Variants in GIGYF2 observed in about 807,000 individuals in gnomAD.
GIGYF2 encodes the protein GRB10-interacting GYF protein 2.
GIGYF2 carries 25 observed loss-of-function variants against 208.1 expected under a neutral mutation model. The observed-to-expected ratio is 0.12, with a 90% CI of 0.09 to 0.17. The LOEUF is 0.17. Ranked by LOEUF, GIGYF2 falls within the 10% of genes least tolerant of loss-of-function variation. The probability of loss-of-function intolerance (pLI) is 1.00; values close to 1 mark genes in which losing one functional copy is unlikely to be tolerated. For missense variants in GIGYF2, 1,302 were observed against 1,579.4 expected (o/e 0.82, Z 2.98); for synonymous variants, 534 against 543.8 (o/e 0.98, Z 0.25).
At chr2:232,700,049 C>T (rs1423997032) in intron 1 of GIGYF2, among the ~76,000 whole-genome samples, 1 of 152,074 alleles carries the variant, frequency 6.6e-6, no homozygotes, top group African/African-American at 2.4e-5. Flanking sequence ...CATTTTAGTT[C>T]AGCTGAGGAA....
intron 6 of GIGYF2, among the ~76,000 whole-genome samples, chr2:232,759,088 A>G (rs999535631): frequency 1.0e-3 from 153 of 152,228 alleles, no homozygotes; most frequent in African/African-American, 3.6e-3. Context: ...AAGATTACCC[A>G]CAAAATAATT....
intron 12 of GIGYF2, among the ~76,000 whole-genome samples, chr2:232,791,938 A>G (rs572989847): frequency 6.6e-6 from 1 of 152,210 alleles, no homozygotes; most frequent in Non-Finnish European, 1.5e-5. Context: ...TAAGTTGCTC[A>G]TACACTTTAT....
intron 8 of GIGYF2, 121 bp downstream of exon 8, chr2:232,761,557 GTC>G (rs1172646884): frequency 9.0e-6 from 6 of 670,280 alleles, no homozygotes; most frequent in African/African-American, 1.8e-5. Flanking sequence ...GTTATTTGAA[GTC>G]TCTACTGCAT....
chr2:232,713,392 TTAA>T (rs1223688585), intron 2 of GIGYF2, among the ~76,000 whole-genome samples: 1 of 152,168 alleles, frequency 6.6e-6, no homozygotes, highest in East Asian at 1.9e-4. Context: ...CTTCTAAATT[TTAA>T]CTTTTTTTCT....
chr2:232,708,373 G>A (rs1328855456), intron 2 of GIGYF2, among the ~76,000 whole-genome samples: 1 of 152,080 alleles, frequency 6.6e-6, no homozygotes, highest in Non-Finnish European at 1.5e-5. Flanking sequence ...TGGGAGTTTG[G>A]GGACAGTGAA....
At chr2:232,848,289 C>T (rs1284237009) in intron 27 of GIGYF2, among the ~76,000 whole-genome samples, 1 of 152,174 alleles carries the variant, frequency 6.6e-6, no homozygotes, top group African/African-American at 2.4e-5. Context: ...AGGCACCTCA[C>T]AGCCTTCCTG....
Position 232,796,044 on chromosome 2 carries a change from T to TTTC in GIGYF2, c.1480-17_1480-16insTCT. On this transcript the variant is annotated splice_polypyrimidine_tract_variant and intron_variant, in intron 13 of 28. Coordinates refer to ENST00000373563, the MANE Select transcript of GIGYF2 (RefSeq NM_001103146.3). ...TTAGGATCATTTGTTTCCTTGATTT[T>TTTC]TGTTTTTCTGTTACTAGCAAGCTGA... 1 of 1,593,668 alleles carries TTTC rather than the reference T, an allele frequency of 6.3e-7. No individual in the cohort carries two copies. Among genetic ancestry groups the TTTC allele is most frequent in the Non-Finnish European group, 8.6e-7 (1 of 1,161,394 alleles).
intron 8 of GIGYF2, among the ~76,000 whole-genome samples, chr2:232,780,959 T>C (rs1297065197): frequency 1.3e-5 from 2 of 152,020 alleles, no homozygotes; most frequent in East Asian, 3.8e-4. Context: ...ATGTTTATTT[T>C]ATTATTATTA....
At chr2:232,811,135 C>A in intron 16 of GIGYF2, 109 bp from the exon 17 acceptor site, 1 of 691,520 alleles carries the variant, frequency 1.4e-6, no homozygotes, top group Admixed American at 2.1e-5. Flanking sequence ...ATAGCTATTT[C>A]TAATAATGTC....
intron 20 of GIGYF2, among the ~76,000 whole-genome samples, chr2:232,817,391 A>G (rs1700947682): frequency 1.3e-5 from 2 of 152,268 alleles, no homozygotes; most frequent in Admixed American, 1.3e-4. Context: ...TTGTGCTAAC[A>G]TATACATAAC....
chr2:232,730,047 T>C (rs1328406488), intron 2 of GIGYF2: 8 of 902,654 alleles, frequency 8.9e-6, no homozygotes, highest in African/African-American at 4.9e-5. Context: ...ACGAAGGGCA[T>C]AACACAAGTC....
chr2:232,856,738 T>A (rs1159557805), intron 28 of GIGYF2, 55 bp from the exon 29 acceptor site: 1 of 1,052,630 alleles, frequency 9.5e-7, no homozygotes, highest in Non-Finnish European at 1.5e-6. Context: ...CGCCTAGAAT[T>A]TGAGCCGCTT....
chr2:232,784,802 C>T (rs1365710150), intron 8 of GIGYF2, among the ~76,000 whole-genome samples: 1 of 152,178 alleles, frequency 6.6e-6, no homozygotes, highest in African/African-American at 2.4e-5. Flanking sequence ...TTTGTCCCCT[C>T]CAGATCACAT....
rs531843600 is a variant in GIGYF2, at chr2:232,786,734, C to G, written c.533-416C>G. Among the ~76,000 whole-genome samples the G allele has an allele frequency of 2.6e-3, 393 of 152,178 alleles. 2 individuals are homozygous for G. The highest frequency in any genetic ancestry group is 8.7e-3 in the African/African-American group (363 of 41,524). ...TTAGTGAAAACAGCAAACAAAACAACATTTATAACATCCTGAGGGTGGCGT... is the reference window on the plus strand; with the variant it reads ...TTAGTGAAAACAGCAAACAAAACAAGATTTATAACATCCTGAGGGTGGCGT... On this transcript the variant is annotated intron_variant, in intron 8 of 28. Transcript: ENST00000373563.
chr2:232,799,943 A>G (rs1266174228), intron 14 of GIGYF2, among the ~76,000 whole-genome samples: 2 of 149,202 alleles, frequency 1.3e-5, no homozygotes, highest in Admixed American at 6.7e-5. Flanking sequence ...ATGTCTATTC[A>G]AGTCCTTTGC....
intron 8 of GIGYF2, among the ~76,000 whole-genome samples, chr2:232,769,815 A>C (rs1424517700): frequency 6.6e-6 from 1 of 152,212 alleles, no homozygotes; most frequent in Non-Finnish European, 1.5e-5. Context: ...AATTCAGTTG[A>C]ACATTTAAGA....
chr2:232,766,893 A>G (rs1442661971), intron 8 of GIGYF2: 1 of 152,204 alleles, frequency 6.6e-6, no homozygotes, highest in Non-Finnish European at 1.5e-5. Flanking sequence ...GGGAAATTTC[A>G]GAAAAGAACA....
At chr2:232,763,435 T>G (rs1278724856) in intron 8 of GIGYF2, among the ~76,000 whole-genome samples, 1 of 152,108 alleles carries the variant, frequency 6.6e-6, no homozygotes, top group Non-Finnish European at 1.5e-5. Context: ...TACATATATA[T>G]CTATGATAAA....
chr2:232,716,405 GTC>G (rs1696683871), intron 2 of GIGYF2, among the ~76,000 whole-genome samples: 2 of 124,488 alleles, frequency 1.6e-5, no homozygotes, highest in African/African-American at 3.2e-5. Context: ...TTGAGACAGA[GTC>G]TCACTCTGTC....
Sources: allele counts gnomAD v4.1 joint callset (sites outside exome capture counted in the v4.1 genomes callset), GRCh38; gene constraint gnomAD v4.1.1; transcripts MANE v1.5; gene names NCBI Gene and HGNC (gene_info 2026-07-23, HGNC 2026-07-21).